EMC2: variants seen among roughly 807,000 people sequenced by gnomAD.
EMC2 encodes TPR repeat protein 35.
EMC2 carries 37 observed loss-of-function variants against 51.6 expected under a neutral mutation model. The ratio of observed to expected loss-of-function variants is 0.72; its 90% confidence interval spans 0.55 to 0.94. The LOEUF is 0.94. Among genes scored for constraint, EMC2 ranks in the 40% least tolerant of loss-of-function variants. EMC2 has a pLI of 0.00. For synonymous variants in EMC2, 131 were observed against 112.4 expected (o/e 1.17, Z -1.04); for missense variants, 359 against 350.9 (o/e 1.02, Z -0.18).
chr8:108,483,792 C>G (rs1028819958), intron 10 of EMC2, among the ~76,000 whole-genome samples: 1 of 151,874 alleles, frequency 6.6e-6, no homozygotes, highest in Non-Finnish European at 1.5e-5. Context: ...TGTATGAAAA[C>G]AAAAATACAG....
intron 5 of EMC2, among the ~76,000 whole-genome samples, chr8:108,468,477 A>G (rs1810777574): frequency 6.6e-6 from 1 of 151,998 alleles, no homozygotes; most frequent in African/African-American, 2.4e-5. Context: ...TTTTACTCTC[A>G]GGATATGCTT....
intron 5 of EMC2, among the ~76,000 whole-genome samples, chr8:108,465,275 G>A (rs1313036441): frequency 1.3e-5 from 2 of 152,096 alleles, no homozygotes; most frequent in African/African-American, 4.8e-5. Context: ...TCTTACAGGA[G>A]CATGACTCTT....
chr8:108,445,644 GC>G, intron 1 of EMC2, among the ~76,000 whole-genome samples: 1 of 150,498 alleles, frequency 6.6e-6, no homozygotes, highest in South Asian at 2.1e-4. Flanking sequence ...AAACACACCT[GC>G]AATCCTTCGA....
Position 108,475,940 on chromosome 8 carries a change from T to G in EMC2, c.568T>G (p.Leu190Val), listed in dbSNP as rs759610565. The G allele has an allele frequency of 6.3e-7, 1 of 1,595,434 alleles. No homozygotes were observed. The highest frequency in any genetic ancestry group is 1.1e-5 in the South Asian group (1 of 88,480). The change falls in exon 8 of 11, where the codon TTA becomes GTA. Residue 190 changes from leucine to valine, a missense_variant. Transcript: ENST00000220853. Reference protein sequence around the residue: ...ELMMTNPHNHLYCQQYAEVKY... With the variant: ...ELMMTNPHNHVYCQQYAEVKY... ...AATGATGACTAATCCACACAACCAC[T>G]TATACTGTCAGCAGTATGCTGAAGT... is the stretch of plus-strand genomic sequence containing the variant.
intron 1 of EMC2, among the ~76,000 whole-genome samples, chr8:108,448,232 A>G (rs537782394): frequency 6.6e-6 from 1 of 152,292 alleles, no homozygotes; most frequent in East Asian, 1.9e-4. Context: ...ATCTCTATTC[A>G]TTGGTATTGG....
intron 1 of EMC2, chr8:108,446,288 C>T (rs1434909985): frequency 4.6e-6 from 2 of 431,972 alleles, no homozygotes; most frequent in South Asian, 1.6e-5. Flanking sequence ...ATACACTATA[C>T]TGCCTCAAAG....
rs199703090 is a variant in EMC2, at chr8:108,462,220, C to T, written c.363+6290C>T. On this transcript the variant is annotated intron_variant, in intron 5 of 10. Coordinates refer to ENST00000220853, the MANE Select transcript of EMC2 (RefSeq NM_014673.5). ...TGTGCATGTGTGTGTGTTTTGTGTG[C>T]GTGTGTGTGTATTCCTCTGACAGGG... 1.4e-4 allele frequency among the ~76,000 whole-genome samples: 14 copies of T among 99,362 alleles called. No individual in the cohort carries two copies. In the East Asian group the frequency reaches 3.1e-3, roughly 22 times the overall value. The allele number at this position is 99,362 out of a possible 152,430, so 65.2% of individuals were successfully genotyped here.
chr8:108,453,155 A>C lies in EMC2; in HGVS notation c.305+8A>C, dbSNP rs1819069593. On this transcript the variant is annotated splice_region_variant and intron_variant, in intron 4 of 10. Coordinates refer to ENST00000220853, the MANE Select transcript of EMC2 (RefSeq NM_014673.5). ...ATTTGAAGCCATGGAAAGGTAACCA[A>C]ATCTTATCAGCTGGCAGGCATGGAG... 1 of 1,554,668 alleles carries C rather than the reference A, an allele frequency of 6.4e-7. No individual in the cohort carries two copies. Among genetic ancestry groups the C allele is most frequent in the Admixed American group, 1.8e-5 (1 of 54,984 alleles).
chr8:108,468,098 T>G (rs1475520289), intron 5 of EMC2, among the ~76,000 whole-genome samples: 4 of 152,202 alleles, frequency 2.6e-5, no homozygotes, highest in South Asian at 2.1e-4. Context: ...AGTAATGTCA[T>G]GAAAAATGAA....
At position 108,447,619 on chromosome 8, in the gene EMC2, A is replaced by C. The variant is rs577918317; in HGVS notation, c.41-2204A>C. 2.6e-5 allele frequency among the ~76,000 whole-genome samples: 4 copies of C among 152,310 alleles called. No homozygotes were observed. The South Asian group carries it at 8.3e-4, about 32-fold the overall frequency. On this transcript the variant is annotated intron_variant, in intron 1 of 10. Transcript: ENST00000220853. Reference sequence around the variant, plus strand: ...TAGCAGGCATATTTTTCCATCTTTCAGAGGCCACCTCACTGCAGTGACATC... The same window carrying C: ...TAGCAGGCATATTTTTCCATCTTTCCGAGGCCACCTCACTGCAGTGACATC...
intron 7 of EMC2, among the ~76,000 whole-genome samples, chr8:108,471,331 C>T (rs148923248): frequency 6.6e-6 from 1 of 151,774 alleles, no homozygotes; most frequent in East Asian, 1.9e-4. Context: ...AGGTGACAGT[C>T]ATTTAACATT....
At chr8:108,484,825 A>T (rs945886754) in intron 10 of EMC2, among the ~76,000 whole-genome samples, 1 of 152,022 alleles carries the variant, frequency 6.6e-6, no homozygotes, top group East Asian at 1.9e-4. Flanking sequence ...AACAGAAGTA[A>T]TAAGCATGCC....
intron 1 of EMC2, among the ~76,000 whole-genome samples, chr8:108,448,825 A>T (rs1818942311): frequency 6.6e-6 from 1 of 152,096 alleles, no homozygotes; most frequent in African/African-American, 2.4e-5. Context: ...AAATTGACAT[A>T]TAAAATTTAA....
intron 10 of EMC2, among the ~76,000 whole-genome samples, chr8:108,482,840 T>C (rs1767460035): frequency 6.6e-6 from 1 of 152,100 alleles, no homozygotes; most frequent in African/African-American, 2.4e-5. Context: ...TGTCTCAGCC[T>C]CCCAATGGAG....
At chr8:108,480,923 A>G (rs1811033943) in intron 10 of EMC2, among the ~76,000 whole-genome samples, 1 of 152,190 alleles carries the variant, frequency 6.6e-6, no homozygotes, top group African/African-American at 2.4e-5. Flanking sequence ...GAAGACTTCT[A>G]GGCCATTGGC....
chr8:108,449,244 C>T (rs1260359517), intron 1 of EMC2, among the ~76,000 whole-genome samples: 1 of 150,794 alleles, frequency 6.6e-6, no homozygotes, highest in Non-Finnish European at 1.5e-5. Context: ...TCCTGAGTAG[C>T]TGGGACCACA....
At chr8:108,447,278 T>C (rs1818900108) in intron 1 of EMC2, among the ~76,000 whole-genome samples, 2 of 151,370 alleles carry the variant, frequency 1.3e-5, no homozygotes, top group South Asian at 4.2e-4. Flanking sequence ...TAATGGATTG[T>C]AATACACAGT....
intron 10 of EMC2, among the ~76,000 whole-genome samples, chr8:108,483,054 A>G (rs550212503): frequency 9.5e-4 from 145 of 152,186 alleles, no homozygotes; most frequent in African/African-American, 3.3e-3. Flanking sequence ...TCTGGGTTCA[A>G]ATTTTGACTC....
chr8:108,486,359 T>G (rs1252247287), intron 10 of EMC2, among the ~76,000 whole-genome samples, 153 bp from the exon 11 acceptor site: 1 of 151,836 alleles, frequency 6.6e-6, no homozygotes, highest in Non-Finnish European at 1.5e-5. Context: ...ATACTCAAAT[T>G]TTATTCTTAT....
Sources: allele counts gnomAD v4.1 joint callset (sites outside exome capture counted in the v4.1 genomes callset), GRCh38; gene constraint gnomAD v4.1.1; transcripts MANE v1.5; gene names NCBI Gene and HGNC (gene_info 2026-07-23, HGNC 2026-07-21).